The following ANK3 variants were observed in gnomAD, a reference collection of about 807,000 sequenced individuals.
The protein encoded by ANK3 is ankyrin 3.
ANK3 carries 57 observed loss-of-function variants against 370.9 expected under a neutral mutation model. That is an observed-to-expected ratio of 0.15 (90% confidence interval 0.12 to 0.19). The LOEUF (loss-of-function observed/expected upper bound fraction) is 0.19. Ranked by LOEUF, ANK3 falls within the 10% of genes least tolerant of loss-of-function variation. ANK3 has a pLI of 1.00. For synonymous variants in ANK3, 1,929 were observed against 1,946.3 expected (o/e 0.99, Z 0.23); for missense variants, 4,439 against 5,302.1 (o/e 0.84, Z 5.06).
At chr10:60,111,406 T>C (rs186552943) in intron 26 of ANK3, among the ~76,000 whole-genome samples, 1 of 152,270 alleles carries the variant, frequency 6.6e-6, no homozygotes, top group African/African-American at 2.4e-5. Flanking sequence ...AAACAGGACA[T>C]GGGTCCTATT....
intron 25 of ANK3, among the ~76,000 whole-genome samples, chr10:60,121,726 G>A (rs1470342128): frequency 1.3e-5 from 2 of 151,502 alleles, no homozygotes; most frequent in Admixed American, 6.6e-5. Flanking sequence ...CCTAGTATTT[G>A]GTAGTACAAC....
At chr10:60,420,676 C>A (rs2063760448) in intron 2 of ANK3, among the ~76,000 whole-genome samples, 1 of 151,954 alleles carries the variant, frequency 6.6e-6, no homozygotes, top group Admixed American at 6.6e-5. Context: ...TCCTGTTGTC[C>A]CCTAAATGAA....
chr10:60,579,443 G>A (rs943094819), intron 2 of ANK3, among the ~76,000 whole-genome samples: 19 of 151,860 alleles, frequency 1.3e-4, no homozygotes, highest in Admixed American at 5.9e-4. Context: ...ATTGAAGTGG[G>A]GAGTTTATGG....
At chr10:60,433,981 A>G (rs2064096186) in intron 2 of ANK3, among the ~76,000 whole-genome samples, 1 of 152,254 alleles carries the variant, frequency 6.6e-6, no homozygotes, top group Non-Finnish European at 1.5e-5. Flanking sequence ...CAGATTTTGT[A>G]GAAATTCACA....
In ANK3 at chr10:60,336,568, T is replaced by G. The variant is rs1052327047; in HGVS notation, c.114+52857A>C. ...TCGGGTATGGTGGAATCTGGAGATC[T>G]ATCTATCTATCTATCTATCTATCTA... On this transcript the variant is annotated intron_variant, in intron 1 of 43. Coordinates refer to ENST00000280772, the MANE Select transcript of ANK3 (RefSeq NM_020987.5). 6.8e-5 allele frequency among the ~76,000 whole-genome samples: 7 copies of G among 103,320 alleles called. No individual in the cohort carries two copies. The South Asian group carries it at 1.2e-3, about 18-fold the overall frequency. 67.8% of individuals were successfully genotyped at this position (103,320 alleles called of 152,430 possible). A position where few individuals can be genotyped will look rare whatever the true frequency, so the allele number is the denominator to read the frequency against.
At chr10:60,189,422 A>G (rs543515769) in intron 16 of ANK3, among the ~76,000 whole-genome samples, 2 of 152,310 alleles carry the variant, frequency 1.3e-5, no homozygotes, top group African/African-American at 2.4e-5. Context: ...ATATATGCCA[A>G]TTACAGACAA....
chr10:60,335,659 A>T (rs1350574045), intron 1 of ANK3, among the ~76,000 whole-genome samples: 1 of 152,216 alleles, frequency 6.6e-6, no homozygotes, highest in Admixed American at 6.5e-5. Context: ...AATTTTAATG[A>T]GCTCATCGGT....
intron 7 of ANK3, among the ~76,000 whole-genome samples, chr10:60,251,526 A>G (rs2097665445): frequency 6.6e-6 from 1 of 152,152 alleles, no homozygotes; most frequent in Admixed American, 6.5e-5. Flanking sequence ...CATGCCAACC[A>G]CCACTGTGAC....
intron 28 of ANK3, among the ~76,000 whole-genome samples, chr10:60,105,537 C>G (rs2092049520): frequency 6.6e-6 from 1 of 152,092 alleles, no homozygotes; most frequent in Admixed American, 6.5e-5. Flanking sequence ...GAAATAATTC[C>G]AAAAATAAAA....
intron 31 of ANK3, 94 bp downstream of exon 31, chr10:60,085,063 A>T (rs1377635443): frequency 9.5e-7 from 1 of 1,052,914 alleles, no homozygotes; most frequent in African/African-American, 1.6e-5. Context: ...TTCTCACAAC[A>T]ATTTTTTTTA....
intron 1 of ANK3, among the ~76,000 whole-genome samples, chr10:60,665,321 C>A (rs549163359): frequency 6.6e-6 from 1 of 152,260 alleles, no homozygotes; most frequent in South Asian, 2.1e-4. Context: ...AACATCAAAA[C>A]GCAGTTATAT....
chr10:60,233,441 A>C (rs2097279248), intron 8 of ANK3, among the ~76,000 whole-genome samples: 1 of 152,152 alleles, frequency 6.6e-6, no homozygotes, highest in South Asian at 2.1e-4. Context: ...TTTAATTAAA[A>C]AATGTTGTTT....
At chr10:60,270,455 C>G (rs917812405) in intron 4 of ANK3, among the ~76,000 whole-genome samples, 1 of 152,012 alleles carries the variant, frequency 6.6e-6, no homozygotes, top group Non-Finnish European at 1.5e-5. Flanking sequence ...TTGAGTATAG[C>G]TCATAGTTAA....
intron 2 of ANK3, among the ~76,000 whole-genome samples, chr10:60,610,297 G>A (rs1396946260): frequency 6.6e-6 from 1 of 151,846 alleles, no homozygotes; most frequent in South Asian, 2.1e-4. Context: ...AGATCACCTG[G>A]GGTCAGGAGT....
chr10:60,053,942 C>T (rs2078613266), intron 42 of ANK3, among the ~76,000 whole-genome samples: 1 of 152,082 alleles, frequency 6.6e-6, no homozygotes, highest in Non-Finnish European at 1.5e-5. Flanking sequence ...GGACTCGAAA[C>T]CAATATCAGA....
At chr10:60,675,144 T>A (rs1190057091) in intron 1 of ANK3, among the ~76,000 whole-genome samples, 1 of 152,236 alleles carries the variant, frequency 6.6e-6, no homozygotes, top group Non-Finnish European at 1.5e-5. Flanking sequence ...TCAAGTTTTA[T>A]GTTTTTACAT....
chr10:60,325,339 C>G (rs574290594), intron 1 of ANK3, among the ~76,000 whole-genome samples: 3 of 152,282 alleles, frequency 2.0e-5, no homozygotes, highest in South Asian at 4.1e-4. Context: ...CTGCAGTTAG[C>G]AGGAGACAAA....
rs915537855 is a variant in ANK3 at position 60,496,721 on chromosome 10, C to G, written c.96+118465G>C. Among the ~76,000 whole-genome samples the G allele has an allele frequency of 4.3e-5, 5 of 115,182 alleles. No homozygotes were observed. The Admixed American group carries it at 5.1e-4, about 12-fold the overall frequency. 75.6% of individuals were successfully genotyped at this position (115,182 alleles called of 152,430 possible). ...CTCTCATTTGGTATTCTCTGCATAA[C>G]TTTTTGAGACCGAAAAAAAAAAAAA... On this transcript the variant is annotated intron_variant, in intron 2 of 43. Coordinates refer to the ANK3 transcript ENST00000373827.
intron 1 of ANK3, among the ~76,000 whole-genome samples, chr10:60,385,717 T>TAG (rs1357237931): frequency 6.6e-6 from 1 of 152,116 alleles, no homozygotes; most frequent in Non-Finnish European, 1.5e-5. Context: ...GGCGCATGTA[T>TAG]AGAGAGAGAT....
Sources: allele counts gnomAD v4.1 joint callset (sites outside exome capture counted in the v4.1 genomes callset), GRCh38; gene constraint gnomAD v4.1.1; transcripts MANE v1.5; gene names NCBI Gene and HGNC (gene_info 2026-07-23, HGNC 2026-07-21).